SRGAP2: variants seen among roughly 807,000 people sequenced by gnomAD.
The protein encoded by SRGAP2 is SLIT-ROBO Rho GTPase-activating protein 2.
In SRGAP2, 15 loss-of-function variants were observed where a neutral mutation model predicts 57.2. The observed-to-expected ratio is 0.26, with a 90% CI of 0.18 to 0.40. SRGAP2 has a LOEUF of 0.40. Among genes scored for constraint, SRGAP2 ranks in the 10% least tolerant of loss-of-function variants. The probability of loss-of-function intolerance (pLI) is 1.00; values close to 1 mark genes in which losing one functional copy is unlikely to be tolerated. For missense variants in SRGAP2, 520 were observed against 669.6 expected (o/e 0.78, Z 2.47); for synonymous variants, 249 against 248.0 (o/e 1.00, Z -0.04).
At chr1:206,244,917 G>A (rs1668452855) in intron 2 of SRGAP2, among the ~76,000 whole-genome samples, 1 of 150,734 alleles carries the variant, frequency 6.6e-6, no homozygotes, top group African/African-American at 2.4e-5. Context: ...GAAAATACTG[G>A]CTGTAGACTT....
intron 13 of SRGAP2, among the ~76,000 whole-genome samples, chr1:206,426,565 C>T (rs955568484): frequency 2.5e-4 from 38 of 152,106 alleles, no homozygotes; most frequent in Admixed American, 2.5e-3. Context: ...TGTTTTTTTG[C>T]GGTAGCTGTT....
At chr1:206,378,146 G>A (rs1328699873) in intron 4 of SRGAP2, among the ~76,000 whole-genome samples, 2 of 141,628 alleles carry the variant, frequency 1.4e-5, no homozygotes, top group Non-Finnish European at 3.1e-5. Flanking sequence ...TAGGCCAGGA[G>A]TTTGAGACCA....
intron 2 of SRGAP2, among the ~76,000 whole-genome samples, chr1:206,295,269 G>T (rs1413289258): frequency 6.6e-6 from 1 of 152,016 alleles, no homozygotes; most frequent in African/African-American, 2.4e-5. Context: ...TGTCGCCCAG[G>T]CTGGAGTGCA....
chr1:206,411,017 C>T (rs977576566), intron 10 of SRGAP2, among the ~76,000 whole-genome samples: 2 of 152,184 alleles, frequency 1.3e-5, no homozygotes, highest in South Asian at 2.1e-4. Context: ...CACGCCACCA[C>T]GCCTGGCTAA....
intron 4 of SRGAP2, among the ~76,000 whole-genome samples, chr1:206,356,553 T>C (rs1467210789): frequency 6.6e-6 from 1 of 152,372 alleles, no homozygotes; most frequent in Non-Finnish European, 1.5e-5. Flanking sequence ...ATTTCCATTG[T>C]GCTATTCTGA....
chr1:206,213,991 AG>A (rs879962826), intron 2 of SRGAP2, among the ~76,000 whole-genome samples: 85 of 152,194 alleles, frequency 5.6e-4, no homozygotes, highest in Admixed American at 1.5e-3. Flanking sequence ...CCTTTTTAGA[AG>A]GGGTCACAAA....
chr1:206,302,416 CA>C (rs1177443279), intron 2 of SRGAP2, among the ~76,000 whole-genome samples: 1 of 151,888 alleles, frequency 6.6e-6, no homozygotes, highest in African/African-American at 2.4e-5. Flanking sequence ...TAGCTCCATA[CA>C]AGGACCCTGA....
At chr1:206,253,393 C>T (rs1668958324) in intron 2 of SRGAP2, among the ~76,000 whole-genome samples, 1 of 151,066 alleles carries the variant, frequency 6.6e-6, no homozygotes, top group Admixed American at 6.6e-5. Flanking sequence ...CTCTTTCGCT[C>T]TCTCTTGCCC....
At position 206,303,286 on chromosome 1, in the gene SRGAP2, C is replaced by T; in HGVS notation, c.73C>T (p.Arg25Cys). Residue 25 changes from arginine (R) to cysteine (C), a missense_variant, in exon 3 of 23, where the codon CGT becomes TGT. Transcript: ENST00000573034. Reference sequence around the variant, plus strand: ...TTCTCTTGTTTTTGTTGTAGAGATCCGTGCTCAGCTCACAGAGCAGATGAA... The same window carrying T: ...TTCTCTTGTTTTTGTTGTAGAGATCTGTGCTCAGCTCACAGAGCAGATGAA... ...AEYDTQVKEI[R>C]AQLTEQMKCL... 4 of 1,448,558 alleles carry T rather than the reference C, an allele frequency of 2.8e-6. No individual in the cohort carries two copies. The highest frequency in any genetic ancestry group is 2.5e-5 in the East Asian group (1 of 39,552). 89.7% of individuals were successfully genotyped at this position (1,448,558 alleles called of 1,614,324 possible). A position where few individuals can be genotyped will look rare whatever the true frequency, so the allele number is the denominator to read the frequency against.
At chr1:206,369,247 T>A (rs1553342186) in intron 4 of SRGAP2, among the ~76,000 whole-genome samples, 1 of 151,906 alleles carries the variant, frequency 6.6e-6, no homozygotes, top group African/African-American at 2.4e-5. Context: ...ATAAAAAAAA[T>A]TAACTCAAAA....
chr1:206,290,231 G>A (rs1230170541), intron 2 of SRGAP2, among the ~76,000 whole-genome samples: 2 of 152,224 alleles, frequency 1.3e-5, no homozygotes, highest in East Asian at 3.8e-4. Flanking sequence ...GTGTGTGCAT[G>A]TGTGTTGGAT....
At chr1:206,424,604 G>A (rs112800286) in intron 13 of SRGAP2, among the ~76,000 whole-genome samples, 2,398 of 152,290 alleles carry the variant, frequency 0.016, 27 homozygotes, top group South Asian at 0.027. Context: ...CCAGTGAGCC[G>A]AGATCATGCC....
chr1:206,383,868 A>C, intron 4 of SRGAP2, 146 bp from the exon 5 acceptor site: 1 of 610,422 alleles, frequency 1.6e-6, no homozygotes, highest in Non-Finnish European at 2.9e-6. Context: ...ATTGGGTCTG[A>C]TTGGAGTGGT....
chr1:206,258,901 G>A (rs557378331), intron 2 of SRGAP2, among the ~76,000 whole-genome samples: 3 of 147,530 alleles, frequency 2.0e-5, no homozygotes, highest in African/African-American at 5.1e-5. Flanking sequence ...GGACATCCAG[G>A]TAGAGATGTC....
At chr1:206,239,097 C>T (rs1477258727) in intron 2 of SRGAP2, among the ~76,000 whole-genome samples, 4 of 150,966 alleles carry the variant, frequency 2.6e-5, no homozygotes, top group African/African-American at 9.8e-5. Flanking sequence ...ACTTTTGGGA[C>T]CCAGCAGATA....
intron 2 of SRGAP2, among the ~76,000 whole-genome samples, chr1:206,289,513 G>A (rs1358471196): frequency 1.3e-5 from 2 of 151,708 alleles, no homozygotes; most frequent in Admixed American, 6.6e-5. Context: ...TCCTGACCTC[G>A]TGGTCCGCCT....
At chr1:206,227,353 T>A (rs1266054688) in intron 2 of SRGAP2, among the ~76,000 whole-genome samples, 1 of 152,228 alleles carries the variant, frequency 6.6e-6, no homozygotes, top group East Asian at 1.9e-4. Context: ...GGCATATATG[T>A]GGGATTATTT....
chr1:206,283,531 G>A (rs1402923554), intron 2 of SRGAP2, among the ~76,000 whole-genome samples: 7 of 149,034 alleles, frequency 4.7e-5, no homozygotes, highest in Admixed American at 6.7e-5. Flanking sequence ...AAAATTAGCC[G>A]GGCATGGTGG....
chr1:206,358,131 G>C (rs1396444377), intron 4 of SRGAP2, among the ~76,000 whole-genome samples: 1 of 152,118 alleles, frequency 6.6e-6, no homozygotes, highest in Non-Finnish European at 1.5e-5. Flanking sequence ...GAGAATCAGT[G>C]CTACGCCTGA....
Sources: gnomAD v4.1 joint callset for allele counts (sites outside exome capture counted in the v4.1 genomes callset) on GRCh38, gnomAD v4.1.1 for gene constraint, MANE v1.5 for transcripts, NCBI Gene and HGNC (gene_info 2026-07-23, HGNC 2026-07-21) for gene names.